MYO7B: variants seen among roughly 807,000 people sequenced by gnomAD.
MYO7B encodes unconventional myosin-VIIb.
MYO7B carries 212 observed loss-of-function variants against 259.7 expected under a neutral mutation model. That is an observed-to-expected ratio of 0.82 (90% CI 0.73 to 0.91). The LOEUF (loss-of-function observed/expected upper bound fraction) is 0.91, where lower values mean the gene tolerates loss of function less well. Ranked by LOEUF, MYO7B falls within the 40% of genes least tolerant of loss-of-function variation. MYO7B has a pLI of 0.00. For synonymous variants in MYO7B, 1,197 were observed against 1,166.4 expected, an observed-to-expected ratio of 1.03 and a Z score of -0.54; for missense variants, 2,732 against 2,813.5, an observed-to-expected ratio of 0.97 and a Z score of 0.66.
intron 6 of MYO7B, among the ~76,000 whole-genome samples, chr2:127,571,958 C>CT (rs1306478841): frequency 6.6e-6 from 1 of 152,068 alleles, no homozygotes; most frequent in East Asian, 1.9e-4. Context: ...ATGGGTCATG[C>CT]TTTTTTGTGT....
intron 19 of MYO7B, among the ~76,000 whole-genome samples, chr2:127,603,552 T>C (rs755818025): frequency 1.3e-5 from 2 of 152,220 alleles, no homozygotes; most frequent in Non-Finnish European, 2.9e-5. Context: ...CCTTAAAATA[T>C]TCAGTAAACC....
At position 127,576,200 on chromosome 2, in the gene MYO7B, GA is replaced by G. The variant is rs879434256; in HGVS notation, c.736-383del. ...GGTGACAGAGCAAGACCTTCTCTCGGAAAAAAAAAAAATACTGAAGGCCTAG... is the reference window on the plus strand; with the variant it reads ...GGTGACAGAGCAAGACCTTCTCTCGGAAAAAAAAAAATACTGAAGGCCTAG... On this transcript the variant is annotated intron_variant, in intron 7 of 47. Transcript: ENST00000409816. This position sits in a 1 kb window ranked among gnomAD's most constrained non-coding sequence, Gnocchi z 4.9. 1.8e-3 allele frequency among the ~76,000 whole-genome samples: 265 copies of G among 143,508 alleles called. No homozygotes were observed. Among genetic ancestry groups the G allele is most frequent in the Middle Eastern group, 7.2e-3 (2 of 278 alleles). The allele number at this position is 143,508 out of a possible 152,430, so 94.1% of individuals were successfully genotyped here.
chr2:127,615,076 G>A lies in MYO7B; in HGVS notation c.3398+2473G>A, dbSNP rs1680519321. ...TCCTGGAGGAGCTCACCCTTTAGCT[G>A]GGGGGCACGAGAGGACCAGGAAATT... On this transcript the variant is annotated intron_variant, in intron 26 of 47. Coordinates refer to ENST00000409816, the MANE Select transcript of MYO7B (RefSeq NM_001393586.1). This position sits in a 1 kb window ranked among gnomAD's most constrained non-coding sequence, Gnocchi z 4.4. 6.6e-6 allele frequency among the ~76,000 whole-genome samples: 1 copy of A among 152,104 alleles called. No individual in the cohort carries two copies.
Position 127,614,933 on chromosome 2 carries a change from C to A in MYO7B, c.3398+2330C>A, listed in dbSNP as rs926593213. 3.3e-5 allele frequency among the ~76,000 whole-genome samples: 5 copies of A among 152,204 alleles called. No homozygotes were observed. The East Asian group carries it at 5.8e-4, about 18-fold the overall frequency. On this transcript the variant is annotated intron_variant, in intron 26 of 47. Transcript: ENST00000409816. The surrounding 1 kb of genome is among the most constrained non-coding windows in gnomAD (Gnocchi z 4.6). ...GCAGGGCCTTGGTGAAATTCCCAGA[C>A]AAAGCAGATGCCCTGTTCCACATCT... is the stretch of plus-strand genomic sequence containing the variant.
In MYO7B at chr2:127,629,730, C is replaced by A. The variant is rs1681358594; in HGVS notation, c.4710C>A (p.Thr1570=). The A allele has an allele frequency of 2.5e-6, 4 of 1,612,212 alleles. No homozygotes were observed. Among genetic ancestry groups the A allele is most frequent in the Non-Finnish European group, 3.4e-6 (4 of 1,179,476 alleles). The part of the protein sequence containing the change: ...KQGLLASENW[T]LGQNDRTGKT... ...GGCTGCTGGCCTCTGAGAACTGGAC[C>A]CTCGGCCAGAACGACAGGACAGGCA... is the stretch of plus-strand genomic sequence containing the variant. The change falls in exon 35 of 48, where the codon ACC becomes ACA. Residue 1570 remains threonine, a synonymous_variant. Transcript: ENST00000409816.
intron 6 of MYO7B, among the ~76,000 whole-genome samples, chr2:127,571,442 G>GTTTTTTTTTGTTTTTTTTTTTT (rs1678603382): frequency 2.4e-5 from 1 of 41,984 alleles, no homozygotes. Context: ...TTACCAGTGA[G>GTTTTTTTTTGTTTTTTTTTTTT]TTTTTTTTTT....
rs781366909 is a variant in MYO7B, at chr2:127,588,387, C to T, written c.1691-5C>T. ...GGATGCTGGGTGGGCCCTGTGTCTCCACAGGCTTCCTGGAGAAGAACCGAG... is the reference window on the plus strand; with the variant it reads ...GGATGCTGGGTGGGCCCTGTGTCTCTACAGGCTTCCTGGAGAAGAACCGAG... On this transcript the variant is annotated splice_region_variant and splice_polypyrimidine_tract_variant and intron_variant, in intron 14 of 47. Transcript: ENST00000409816. The T allele has an allele frequency of 6.2e-7, 1 of 1,612,258 alleles. No homozygotes were observed. Among genetic ancestry groups the T allele is most frequent in the Non-Finnish European group, 8.5e-7 (1 of 1,179,574 alleles).
chr2:127,583,241 C>T (rs1381010189), intron 12 of MYO7B, among the ~76,000 whole-genome samples: 1 of 152,240 alleles, frequency 6.6e-6, no homozygotes, highest in Non-Finnish European at 1.5e-5. Context: ...TTGCATGCCC[C>T]TGCCCAAGGC....
rs746567354 is a variant in MYO7B at position 127,605,831 on chromosome 2, A to T, written c.2340-13A>T. On this transcript the variant is annotated splice_polypyrimidine_tract_variant and intron_variant, in intron 19 of 47. Coordinates refer to ENST00000409816, the MANE Select transcript of MYO7B (RefSeq NM_001393586.1). ...GGATTGTTACATGTGTGTGGCTTGCATTGCCCTTCTAGGAAGGAGTTCCTG... is the reference window on the plus strand; with the variant it reads ...GGATTGTTACATGTGTGTGGCTTGCTTTGCCCTTCTAGGAAGGAGTTCCTG... 6.2e-7 allele frequency: 1 copy of T among 1,612,582 alleles called. No individual in the cohort carries two copies. Among genetic ancestry groups the T allele is most frequent in the Non-Finnish European group, 8.5e-7 (1 of 1,179,384 alleles).
chr2:127,564,980 T>G (rs1158212429), intron 3 of MYO7B, among the ~76,000 whole-genome samples: 3 of 152,250 alleles, frequency 2.0e-5, no homozygotes, highest in Non-Finnish European at 2.9e-5. Context: ...AATTCAGCCC[T>G]AGCCCCAGCT....
rs1445912915 is a variant in MYO7B at position 127,577,743 on chromosome 2, G to T, written c.850-390G>T. On this transcript the variant is annotated intron_variant, in intron 8 of 47. Coordinates refer to ENST00000409816, the MANE Select transcript of MYO7B (RefSeq NM_001393586.1). The surrounding 1 kb of genome is among the most constrained non-coding windows in gnomAD (Gnocchi z 5.2). The stretch of plus-strand genomic sequence containing the variant: ...TGTAACAGGCAAATGGCCATGGCAC[G>T]GTCACTGGCTCCCTGCCTGCCCCCC... Among the ~76,000 whole-genome samples the T allele has an allele frequency of 6.6e-6, 1 of 152,212 alleles. No individual in the cohort carries two copies. The highest frequency in any genetic ancestry group is 6.5e-5 in the Admixed American group (1 of 15,288).
At position 127,542,695 on chromosome 2, in the gene MYO7B, G is replaced by A. The variant is rs912618354; in HGVS notation, c.-24+6864G>A. ...GAAAGAAAAGTGGGCCCAGGGGACC[G>A]GTGCTCAGCATATGGAGGACCCACA... On this transcript the variant is annotated intron_variant, in intron 1 of 47. Coordinates refer to ENST00000409816, the MANE Select transcript of MYO7B (RefSeq NM_001393586.1). Among the ~76,000 whole-genome samples the A allele has an allele frequency of 1.7e-4, 26 of 152,126 alleles. 1 individual carries two copies. Among genetic ancestry groups the A allele is most frequent in the African/African-American group, 6.0e-4 (25 of 41,400 alleles).
intron 6 of MYO7B, among the ~76,000 whole-genome samples, chr2:127,572,009 T>C (rs1254835473): frequency 2.0e-5 from 3 of 152,238 alleles, no homozygotes; most frequent in Non-Finnish European, 4.4e-5. Flanking sequence ...GATTTTCTCC[T>C]ATGTTTTTCC....
At chr2:127,574,615 C>T (rs1324369960) in intron 7 of MYO7B, among the ~76,000 whole-genome samples, 1 of 152,218 alleles carries the variant, frequency 6.6e-6, no homozygotes. Flanking sequence ...CATTCCTCAT[C>T]CCTACTAGAA....
At chr2:127,569,962 C>T in intron 6 of MYO7B, 52 bp downstream of exon 6, 2 of 1,571,632 alleles carry the variant, frequency 1.3e-6, no homozygotes, top group Non-Finnish European at 1.7e-6. Context: ...CTGGAGCCTT[C>T]CTGCCAGGTA....
At chr2:127,616,400 G>A (rs563295567) in intron 26 of MYO7B, among the ~76,000 whole-genome samples, 1 of 152,042 alleles carries the variant, frequency 6.6e-6, no homozygotes, top group African/African-American at 2.4e-5. Flanking sequence ...TTCTTCTTAC[G>A]TAGAGAAGGG....
Position 127,590,538 on chromosome 2 carries a change from C to T in MYO7B, c.1992+309C>T, listed in dbSNP as rs999122406. 2.0e-5 allele frequency among the ~76,000 whole-genome samples: 3 copies of T among 152,250 alleles called. No individual in the cohort carries two copies. Among genetic ancestry groups the T allele is most frequent in the African/African-American group, 7.2e-5 (3 of 41,466 alleles). ...TTCTGTTAAGTCAGACTTGCTCCTG[C>T]CTGCAGGAATGCACTGAGGGTTGGA... On this transcript the variant is annotated intron_variant, in intron 16 of 47. Coordinates refer to ENST00000409816, the MANE Select transcript of MYO7B (RefSeq NM_001393586.1). The surrounding 1 kb of genome is among the most constrained non-coding windows in gnomAD (Gnocchi z 4.6).
In MYO7B at chr2:127,597,132, TAG is replaced by T. The variant is rs1186701917; in HGVS notation, c.2339+581_2339+582del. ...GGAGCAGGGAGCTAGGGCCCACAGC[TAG>T]AGAGGCAGCTGTGCTGCTGGGAAGC... On this transcript the variant is annotated intron_variant, in intron 19 of 47. Transcript: ENST00000409816. This position sits in a 1 kb window ranked among gnomAD's most constrained non-coding sequence, Gnocchi z 4.8. Among the ~76,000 whole-genome samples, 2 of 152,154 alleles carry T rather than the reference TAG, an allele frequency of 1.3e-5. No individual in the cohort carries two copies. The highest frequency in any genetic ancestry group is 2.4e-5 in the African/African-American group (1 of 41,430).
chr2:127,620,239 G>C, intron 26 of MYO7B, 101 bp from the exon 27 acceptor site: 1 of 1,400,966 alleles, frequency 7.1e-7, no homozygotes, highest in Admixed American at 2.1e-5. Flanking sequence ...CCCTGCATAT[G>C]GGACCTCTCA....
Sources: gnomAD v4.1 joint callset for allele counts (sites outside exome capture counted in the v4.1 genomes callset) on GRCh38, gnomAD v4.1.1 for gene constraint, Gnocchi (gnomAD v3.1) non-coding constraint, MANE v1.5 for transcripts, NCBI Gene and HGNC (gene_info 2026-07-23, HGNC 2026-07-21) for gene names.